The following LRRC4C variants were observed in gnomAD, a reference collection of about 807,000 sequenced individuals.
LRRC4C encodes the protein leucine rich repeat containing 4C.
LRRC4C carries 5 observed loss-of-function variants against 33.6 expected under a neutral mutation model. That is an observed-to-expected ratio of 0.15 (90% confidence interval 0.08 to 0.31). LRRC4C has a LOEUF of 0.31. LRRC4C is among the 10% of genes least tolerant of loss of function. The pLI is 1.00. For synonymous variants in LRRC4C, 329 were observed against 302.0 expected, an observed-to-expected ratio of 1.09 and a Z score of -0.93; for missense variants, 560 against 796.7, an observed-to-expected ratio of 0.70 and a Z score of 3.58.
chr11:40,212,609 C>T (rs941895117), intron 5 of LRRC4C, among the ~76,000 whole-genome samples: 3 of 151,882 alleles, frequency 2.0e-5, no homozygotes, highest in Non-Finnish European at 2.9e-5. Flanking sequence ...ATAATATATC[C>T]AGCACTTCCA....
At chr11:40,116,433 T>C (rs915175612) in intron 6 of LRRC4C, 99 bp from the exon 7 acceptor site, 82 of 1,253,030 alleles carry the variant, frequency 6.5e-5, no homozygotes, top group Non-Finnish European at 8.8e-5. Context: ...GCTAAAGCCA[T>C]CATGTGTGAG....
chr11:40,552,263 C>A (rs1379660409), intron 3 of LRRC4C, among the ~76,000 whole-genome samples: 1 of 152,170 alleles, frequency 6.6e-6, no homozygotes, highest in African/African-American at 2.4e-5. Flanking sequence ...ATGAATACAT[C>A]ATTAAAGTGA....
chr11:40,164,201 C>G (rs1457465081), intron 5 of LRRC4C, among the ~76,000 whole-genome samples: 1 of 152,096 alleles, frequency 6.6e-6, no homozygotes, highest in Non-Finnish European at 1.5e-5. Context: ...AAGCTTAACA[C>G]AAGAATGTCC....
At chr11:40,319,085 G>A (rs1293146372) in intron 4 of LRRC4C, among the ~76,000 whole-genome samples, 3 of 151,996 alleles carry the variant, frequency 2.0e-5, no homozygotes, top group Admixed American at 6.5e-5. Flanking sequence ...ATCCTTCAGT[G>A]GTAACAGAAA....
intron 3 of LRRC4C, among the ~76,000 whole-genome samples, chr11:40,636,793 C>A (rs1941778003): frequency 6.6e-6 from 1 of 152,170 alleles, no homozygotes; most frequent in African/African-American, 2.4e-5. Flanking sequence ...TGTCCACAGT[C>A]ATTTCTGGGA....
intron 5 of LRRC4C, among the ~76,000 whole-genome samples, chr11:40,207,192 T>C (rs1231377706): frequency 6.6e-6 from 1 of 152,192 alleles, no homozygotes. Flanking sequence ...TTGATGTTCT[T>C]GCAAATGGAT....
chr11:41,239,658 T>A (rs1354757847), intron 1 of LRRC4C, among the ~76,000 whole-genome samples: 1 of 152,186 alleles, frequency 6.6e-6, no homozygotes, highest in Admixed American at 6.5e-5. Flanking sequence ...CATTCTGTCA[T>A]ATTTTTTCTC....
chr11:40,853,416 T>TTATATATTTATATAGA (rs1953610323), intron 2 of LRRC4C, among the ~76,000 whole-genome samples: 1 of 148,280 alleles, frequency 6.7e-6, no homozygotes, highest in Non-Finnish European at 1.5e-5. Context: ...ATAATTATAT[T>TTATATATTTATATAGA]TATATATTTA....
At chr11:41,294,051 A>G (rs575638612) in intron 1 of LRRC4C, among the ~76,000 whole-genome samples, 2 of 152,326 alleles carry the variant, frequency 1.3e-5, no homozygotes, top group South Asian at 4.1e-4. Flanking sequence ...ACTACATAGA[A>G]CAGAAAAATG....
chr11:40,924,460 C>G (rs931974268), intron 2 of LRRC4C, among the ~76,000 whole-genome samples: 5 of 150,804 alleles, frequency 3.3e-5, no homozygotes, highest in Admixed American at 6.6e-5. Context: ...TGGGCAACAA[C>G]ATAAAGAATC....
intron 3 of LRRC4C, among the ~76,000 whole-genome samples, chr11:40,518,843 C>A (rs571906844): frequency 1.3e-5 from 2 of 152,032 alleles, no homozygotes; most frequent in Non-Finnish European, 2.9e-5. Flanking sequence ...TGGAGCCAAC[C>A]CAAATGTCCA....
intron 1 of LRRC4C, among the ~76,000 whole-genome samples, chr11:41,173,381 C>T (rs1355038087): frequency 2.0e-5 from 3 of 152,098 alleles, no homozygotes; most frequent in Non-Finnish European, 4.4e-5. Context: ...TAAAGCCAAC[C>T]TGAAATTCTA....
chr11:40,763,990 G>C (rs1200634116), intron 2 of LRRC4C, among the ~76,000 whole-genome samples: 2 of 152,158 alleles, frequency 1.3e-5, no homozygotes, highest in African/African-American at 2.4e-5. Context: ...GTAGGAAAGG[G>C]AATGTTTGTG....
chr11:41,053,885 T>G (rs1044398193), intron 1 of LRRC4C, among the ~76,000 whole-genome samples: 3 of 152,230 alleles, frequency 2.0e-5, no homozygotes, highest in Non-Finnish European at 4.4e-5. Flanking sequence ...TTAAATGATT[T>G]TAGCATGATA....
intron 2 of LRRC4C, among the ~76,000 whole-genome samples, chr11:40,712,387 G>C (rs1289452099): frequency 6.6e-6 from 1 of 152,006 alleles, no homozygotes; most frequent in East Asian, 1.9e-4. Context: ...CCTATATGTA[G>C]GAAGCTTTAA....
At chr11:40,283,453 C>G (rs1283163142) in intron 4 of LRRC4C, among the ~76,000 whole-genome samples, 1 of 151,738 alleles carries the variant, frequency 6.6e-6, no homozygotes, top group Non-Finnish European at 1.5e-5. Flanking sequence ...TTTTATTATG[C>G]AAAGTAGTTA....
chr11:40,620,273 G>A (rs1962322589), intron 3 of LRRC4C, among the ~76,000 whole-genome samples: 2 of 151,524 alleles, frequency 1.3e-5, no homozygotes, highest in Admixed American at 6.6e-5. Context: ...CTAGCTATAA[G>A]GGACTAGAAT....
At position 40,597,883 on chromosome 11, in the gene LRRC4C, A is replaced by G. The variant is rs975592375; in HGVS notation, c.-270+50259T>C. On this transcript the variant is annotated intron_variant, in intron 3 of 6. Coordinates refer to ENST00000528697, the MANE Select transcript of LRRC4C (RefSeq NM_001258419.2). ...TGAGGAAAGTTGGCCAATAGTTTGC[A>G]TAATATTTTTGGCCCTGAAAATGTT... Among the ~76,000 whole-genome samples, 4 of 152,332 alleles carry G rather than the reference A, an allele frequency of 2.6e-5. No homozygotes were observed. In the South Asian group the frequency reaches 6.2e-4, roughly 24 times the overall value.
intron 1 of LRRC4C, among the ~76,000 whole-genome samples, chr11:41,333,056 G>T (rs1951345051): frequency 6.6e-6 from 1 of 152,152 alleles, no homozygotes. Context: ...GTCTTATTCT[G>T]TTTTTGAAGG....
Sources: allele counts gnomAD v4.1 joint callset (sites outside exome capture counted in the v4.1 genomes callset), GRCh38; gene constraint gnomAD v4.1.1; transcripts MANE v1.5; gene names NCBI Gene and HGNC (gene_info 2026-07-23, HGNC 2026-07-21).